Variants in NOX4 observed in about 807,000 individuals in gnomAD.
NOX4 encodes NADPH oxidase 4.
A neutral mutation model predicts 87.6 loss-of-function variants in NOX4; 69 were observed. That is an observed-to-expected ratio of 0.79 (90% confidence interval 0.65 to 0.96). NOX4 has a LOEUF of 0.96. NOX4 is among the 40% of genes least tolerant of loss of function. NOX4 has a pLI of 0.00. For synonymous variants in NOX4, 275 were observed against 238.2 expected (o/e 1.15, Z -1.42); for missense variants, 680 against 681.5 (o/e 1.00, Z 0.02).
At chr11:89,356,667 T>G (rs1291235874) in intron 12 of NOX4, among the ~76,000 whole-genome samples, 1 of 152,164 alleles carries the variant, frequency 6.6e-6, no homozygotes, top group Non-Finnish European at 1.5e-5. Flanking sequence ...GCTTCCACCT[T>G]CACAGAGTTT....
At chr11:89,567,310 A>C in the NOX4 span, among the ~76,000 whole-genome samples, 1 of 152,056 alleles carries the variant, frequency 6.6e-6, no homozygotes, top group African/African-American at 2.4e-5. Flanking sequence ...GATGACATGC[A>C]CCTGCCAGCA....
the NOX4 span, among the ~76,000 whole-genome samples, chr11:89,514,577 T>A: frequency 6.6e-6 from 1 of 152,008 alleles, no homozygotes; most frequent in South Asian, 2.1e-4. Flanking sequence ...CTTGTCCTGA[T>A]CATAGGGGAA....
rs551207334 is a variant in NOX4 at position 89,347,141 on chromosome 11, C to A, written c.1218-4948G>T. 1.4e-4 allele frequency among the ~76,000 whole-genome samples: 22 copies of A among 152,246 alleles called. 1 individual carries two copies. The South Asian group carries it at 4.4e-3, about 30-fold the overall frequency. On this transcript the variant is annotated intron_variant, in intron 13 of 17. Transcript: ENST00000263317. ...AGACATTATGTATACTGTGGAAAAT[C>A]TTATGAATTACTGTGCTTGTAGAAA...
intron 17 of NOX4, among the ~76,000 whole-genome samples, chr11:89,335,210 G>A (rs1381670521): frequency 1.3e-5 from 2 of 151,776 alleles, no homozygotes; most frequent in Non-Finnish European, 3.0e-5. Flanking sequence ...TCTGCACTAT[G>A]ATAAATTTAC....
chr11:89,376,158 T>C (rs1192896239), intron 11 of NOX4, among the ~76,000 whole-genome samples: 2 of 152,164 alleles, frequency 1.3e-5, no homozygotes, highest in Non-Finnish European at 2.9e-5. Context: ...TAAAACAAAA[T>C]ATTGTTTCTC....
At chr11:89,409,080 C>A (rs1942335817) in intron 8 of NOX4, among the ~76,000 whole-genome samples, 1 of 150,670 alleles carries the variant, frequency 6.6e-6, no homozygotes, top group South Asian at 2.2e-4. Flanking sequence ...AAGGGAAGAG[C>A]TTTGACCCCT....
At chr11:89,489,349 C>G (rs918194859) in intron 2 of NOX4, among the ~76,000 whole-genome samples, 1 of 151,714 alleles carries the variant, frequency 6.6e-6, no homozygotes, top group Non-Finnish European at 1.5e-5. Context: ...TTTTCTGCAC[C>G]CCCCCACTCA....
At chr11:89,444,659 A>G (rs1432138108) in intron 4 of NOX4, among the ~76,000 whole-genome samples, 1 of 152,082 alleles carries the variant, frequency 6.6e-6, no homozygotes, top group South Asian at 2.1e-4. Context: ...TGCTATTAAT[A>G]CATATCTTGC....
intron 7 of NOX4, among the ~76,000 whole-genome samples, chr11:89,430,854 C>A (rs1943739729): frequency 1.3e-5 from 2 of 152,174 alleles, no homozygotes; most frequent in South Asian, 4.1e-4. Context: ...GAAAAAACTA[C>A]TTTAAAGTTC....
chr11:89,410,643 A>G lies in NOX4; in HGVS notation c.630-8101T>C, dbSNP rs114299281. ...ACAATGAAAAGCAACACCAGGAGGA[A>G]CTCAGCCAGAGCCCACAGAGGGAGC... On this transcript the variant is annotated intron_variant, in intron 8 of 17. Coordinates refer to ENST00000263317, the MANE Select transcript of NOX4 (RefSeq NM_016931.5). 9.1e-3 allele frequency among the ~76,000 whole-genome samples: 1,379 copies of G among 152,322 alleles called. 18 individuals carry two copies. Among genetic ancestry groups the G allele is most frequent in the African/African-American group, 0.032 (1,327 of 41,568 alleles).
At chr11:89,405,870 G>A (rs1017928629) in intron 8 of NOX4, among the ~76,000 whole-genome samples, 1 of 151,850 alleles carries the variant, frequency 6.6e-6, no homozygotes, top group African/African-American at 2.4e-5. Flanking sequence ...CAGTTAGTCT[G>A]ATTCCAAAGT....
intron 11 of NOX4, among the ~76,000 whole-genome samples, chr11:89,384,318 C>T (rs933802173): frequency 6.6e-6 from 1 of 152,154 alleles, no homozygotes; most frequent in South Asian, 2.1e-4. Flanking sequence ...CCCTGACACC[C>T]ATCAGGCTCA....
At chr11:89,449,575 A>C in intron 3 of NOX4, 51 bp from the exon 4 acceptor site, 1 of 1,450,664 alleles carries the variant, frequency 6.9e-7, no homozygotes, top group South Asian at 1.2e-5. Context: ...AATGTGATAA[A>C]AGTTTTTCAG....
At chr11:89,477,400 C>A (rs1056300752) in intron 2 of NOX4, among the ~76,000 whole-genome samples, 2 of 152,064 alleles carry the variant, frequency 1.3e-5, no homozygotes, top group Non-Finnish European at 2.9e-5. Context: ...AATGGGGAGC[C>A]GCCGTAAATA....
chr11:89,405,218 C>T (rs1942103956), intron 8 of NOX4, among the ~76,000 whole-genome samples: 1 of 151,894 alleles, frequency 6.6e-6, no homozygotes, highest in Non-Finnish European at 1.5e-5. Flanking sequence ...CTCTACCATG[C>T]TCTAGGTCCT....
At chr11:89,351,585 T>A (rs546659649) in intron 13 of NOX4, among the ~76,000 whole-genome samples, 5 of 152,320 alleles carry the variant, frequency 3.3e-5, no homozygotes, top group African/African-American at 1.2e-4. Flanking sequence ...TGGACTAATG[T>A]AGCTGGTCAC....
chr11:89,491,742 ACACAC>A (rs1946864679), upstream of NOX4, among the ~76,000 whole-genome samples: 1 of 148,138 alleles, frequency 6.8e-6, no homozygotes, highest in Non-Finnish European at 1.5e-5. Context: ...ACACACACAC[ACACAC>A]ACACACACAC....
At chr11:89,564,702 G>A in the NOX4 span, among the ~76,000 whole-genome samples, 1 of 151,486 alleles carries the variant, frequency 6.6e-6, no homozygotes, top group Non-Finnish European at 1.5e-5. Context: ...GGGAATTTTG[G>A]TTTTCTAATT....
chr11:89,546,980 G>A, the NOX4 span, among the ~76,000 whole-genome samples: 1 of 152,152 alleles, frequency 6.6e-6, no homozygotes, highest in Non-Finnish European at 1.5e-5. Flanking sequence ...ATTTTAATAA[G>A]TATTTTCTTC....
Sources: allele counts gnomAD v4.1 joint callset (sites outside exome capture counted in the v4.1 genomes callset), GRCh38; gene constraint gnomAD v4.1.1; transcripts MANE v1.5; gene names NCBI Gene and HGNC (gene_info 2026-07-23, HGNC 2026-07-21).